Variants in PAPOLA observed in about 807,000 individuals in gnomAD.
The protein encoded by PAPOLA is polynucleotide adenylyltransferase alpha.
In PAPOLA, 15 loss-of-function variants were observed where a neutral mutation model predicts 100.6. That is an observed-to-expected ratio of 0.15 (90% CI 0.10 to 0.23). The LOEUF is 0.23. Ranked by LOEUF, PAPOLA falls within the 10% of genes least tolerant of loss-of-function variation. The pLI is 1.00. For missense variants in PAPOLA, 533 were observed against 884.2 expected (o/e 0.60, Z 5.04); for synonymous variants, 293 against 300.0 (o/e 0.98, Z 0.24).
chr14:96,535,302 CTT>C, intron 10 of PAPOLA: 1 of 984,440 alleles, frequency 1.0e-6, no homozygotes, highest in Non-Finnish European at 1.2e-6. Flanking sequence ...AAGGCATTTA[CTT>C]TTAGAGGATG....
At chr14:96,502,630 C>T (rs760178870) in intron 1 of PAPOLA, 30 bp downstream of exon 1, 6 of 1,566,516 alleles carry the variant, frequency 3.8e-6, no homozygotes, top group South Asian at 1.2e-5. Context: ...TTTTCTTTCG[C>T]TCGCCGGCTG....
At chr14:96,559,082 T>C (rs983024449) in intron 19 of PAPOLA, among the ~76,000 whole-genome samples, 1 of 151,782 alleles carries the variant, frequency 6.6e-6, no homozygotes, top group South Asian at 2.1e-4. Context: ...TCTACGGAGT[T>C]GATTAATAGA....
At chr14:96,527,368 T>C (rs537944747) in intron 4 of PAPOLA, 62 bp from the exon 5 acceptor site, 9 of 965,542 alleles carry the variant, frequency 9.3e-6, no homozygotes, top group Middle Eastern at 4.8e-4. Context: ...ACTACCATGA[T>C]AGGATGCAAA....
intron 10 of PAPOLA, 167 bp downstream of exon 10, chr14:96,534,730 A>G: frequency 1.4e-6 from 2 of 1,435,462 alleles, no homozygotes; most frequent in Non-Finnish European, 1.8e-6. Context: ...ACTATAATTG[A>G]TGTGAGAAGC....
chr14:96,564,853 T>A, intron 21 of PAPOLA, 102 bp from the exon 22 acceptor site: 4 of 675,196 alleles, frequency 5.9e-6, no homozygotes, highest in Non-Finnish European at 1.1e-5. Context: ...GTAATACTTT[T>A]CTTCTTAGAA....
In PAPOLA at chr14:96,521,053, G is replaced by A. The variant is rs1381468100; in HGVS notation, c.230G>A (p.Arg77Gln). The change falls in exon 3 of 22, where the codon CGA (arginine) becomes CAA (glutamine). Residue 77 changes from arginine to glutamine, a missense_variant. Transcript: ENST00000216277. Reference sequence around the variant, plus strand: ...AATAACCTGGTAAAAGAGTGGATACGAGAAATCAGTGAAAGCAAGGTAAGG... The same window carrying A: ...AATAACCTGGTAAAAGAGTGGATACAAGAAATCAGTGAAAGCAAGGTAAGG... ...KLNNLVKEWI[R>Q]EISESKNLPQ... 14 of 1,561,076 alleles carry A rather than the reference G, an allele frequency of 9.0e-6. No homozygotes were observed. Among genetic ancestry groups the A allele is most frequent in the Non-Finnish European group, 1.1e-5 (13 of 1,134,626 alleles).
chr14:96,507,334 C>T (rs1474765405), intron 1 of PAPOLA, among the ~76,000 whole-genome samples: 1 of 122,526 alleles, frequency 8.2e-6, no homozygotes, highest in Non-Finnish European at 1.6e-5. Flanking sequence ...GTCGCCCAGG[C>T]GGGAGTGCTG....
chr14:96,557,720 G>A (rs988848338), intron 19 of PAPOLA, among the ~76,000 whole-genome samples: 3 of 149,922 alleles, frequency 2.0e-5, no homozygotes, highest in Non-Finnish European at 4.4e-5. Context: ...TTATTATTTA[G>A]CTTATTCTCT....
At position 96,562,871 on chromosome 14, in the gene PAPOLA, C is replaced by T. The variant is rs1255222918; in HGVS notation, c.2120C>T (p.Ala707Val). 7 of 1,611,122 alleles carry T rather than the reference C, an allele frequency of 4.3e-6. No homozygotes were observed. The East Asian group carries it at 6.7e-5, about 15-fold the overall frequency. Residue 707 changes from alanine to valine, a missense_variant, in exon 21 of 22, where the codon GCG becomes GTG. Physicochemically the swap from Ala to Val is moderately conservative, Grantham distance 64. This residue lies in a region of PAPOLA where 242 missense variants were observed against 281.0 expected (regional missense o/e 0.86). Transcript: ENST00000216277. ...ACTCAATCAGAAACTATTCAGACAG[C>T]GGCTTCTCTGTTGGCCTCTCAGGTA... ...STTQSETIQT[A>V]ASLLASQKTS... is the part of the protein sequence containing the mutation.
intron 1 of PAPOLA, among the ~76,000 whole-genome samples, chr14:96,517,380 G>T (rs1402090421): frequency 6.6e-6 from 1 of 151,046 alleles, no homozygotes; most frequent in Non-Finnish European, 1.5e-5. Flanking sequence ...TAGATCTCAG[G>T]TTGCGTGCTC....
intron 12 of PAPOLA, among the ~76,000 whole-genome samples, chr14:96,539,646 C>T (rs913357788): frequency 6.6e-6 from 1 of 152,070 alleles, no homozygotes; most frequent in Non-Finnish European, 1.5e-5. Context: ...TTCAAAGTCT[C>T]GCATGGAGGC....
At chr14:96,529,638 C>T (rs1898811911) in intron 6 of PAPOLA, among the ~76,000 whole-genome samples, 1 of 152,008 alleles carries the variant, frequency 6.6e-6, no homozygotes, top group South Asian at 2.1e-4. Context: ...AGGAGAATCA[C>T]TTGAACCCGG....
intron 3 of PAPOLA, among the ~76,000 whole-genome samples, 164 bp downstream of exon 3, chr14:96,521,236 G>C (rs1206530607): frequency 3.3e-5 from 5 of 151,950 alleles, no homozygotes; most frequent in Admixed American, 1.3e-4. Flanking sequence ...TAGTTAATTT[G>C]GAAGCAGGAA....
rs552127475 is a variant in PAPOLA, at chr14:96,556,455, A to G, written c.2004+42A>G. 668 of 1,235,204 alleles carry G rather than the reference A, an allele frequency of 5.4e-4. 5 individuals carry two copies. Among genetic ancestry groups the G allele is most frequent in the South Asian group, 2.4e-3 (186 of 78,108 alleles). The allele number at this position is 1,235,204 out of a possible 1,614,324, so 76.5% of individuals were successfully genotyped here. On this transcript the variant is annotated intron_variant, in intron 19 of 21. Coordinates refer to ENST00000216277, the MANE Select transcript of PAPOLA (RefSeq NM_032632.5). ...CATATTAGTTAGCCATGGCAACACC[A>G]ACTGCCTATTTTTAAATCCAGTGGA...
chr14:96,536,926 C>T (rs760927543), intron 11 of PAPOLA, 50 bp from the exon 12 acceptor site: 2 of 1,037,430 alleles, frequency 1.9e-6, no homozygotes, highest in Non-Finnish European at 3.0e-6. Flanking sequence ...ATTTAAAATT[C>T]TAGATTGTAG....
intron 16 of PAPOLA, among the ~76,000 whole-genome samples, chr14:96,548,142 A>C (rs1787636684): frequency 6.6e-6 from 1 of 152,106 alleles, no homozygotes; most frequent in African/African-American, 2.4e-5. Context: ...GTGATGCTTC[A>C]TATCCTTACT....
rs527534728 is a variant in PAPOLA, at chr14:96,540,999, C to T, written c.1116-1244C>T. 1.5e-4 allele frequency among the ~76,000 whole-genome samples: 23 copies of T among 152,312 alleles called. No individual in the cohort carries two copies. The East Asian group carries it at 3.5e-3, about 23-fold the overall frequency. ...CCGCCTCCTGGGTTCATGCCATTCT[C>T]CTGCCTCAGCCTCCTGAATAGCTGG... On this transcript the variant is annotated intron_variant, in intron 12 of 21. Coordinates refer to ENST00000216277, the MANE Select transcript of PAPOLA (RefSeq NM_032632.5).
At chr14:96,518,447 C>T (rs190350098) in intron 1 of PAPOLA, among the ~76,000 whole-genome samples, 6,685 of 151,026 alleles carry the variant, frequency 0.044, 174 homozygotes, top group Non-Finnish European at 0.057. Context: ...CTCGCTCTGT[C>T]CCCCAGGCTG....
chr14:96,533,848 C>T (rs1364183289), intron 9 of PAPOLA: 5 of 983,576 alleles, frequency 5.1e-6, no homozygotes, highest in African/African-American at 3.5e-5. Context: ...CCACCGCGTC[C>T]GGCTGTCAGA....
Sources: allele counts gnomAD v4.1 joint callset (sites outside exome capture counted in the v4.1 genomes callset), GRCh38; gene constraint gnomAD v4.1.1; regional missense constraint gnomAD v4.1.1; transcripts MANE v1.5; gene names NCBI Gene and HGNC (gene_info 2026-07-23, HGNC 2026-07-21).